Variants in HID1 observed in about 807,000 individuals in gnomAD.
HID1 encodes HID1 domain containing, also known as protein HID1.
Under a neutral mutation model 89.7 loss-of-function variants are expected in HID1, and 42 were observed. The ratio of observed to expected loss-of-function variants is 0.47; its 90% CI spans 0.37 to 0.61. HID1 has a LOEUF of 0.61. Among genes scored for constraint, HID1 ranks in the 20% least tolerant of loss-of-function variants. The pLI is 0.00. For missense variants in HID1, 854 were observed against 1,039.3 expected (o/e 0.82, Z 2.45); for synonymous variants, 442 against 433.8 (o/e 1.02, Z -0.24).
rs760919966 is a variant in HID1 at position 74,952,368 on chromosome 17, G to C, written c.2053-8C>G. ...CGACTTCCAGGAGAGGACCTGGCGA[G>C]GGACGGGGTTCCTGGGGCTGAGAAA... On this transcript the variant is annotated splice_polypyrimidine_tract_variant and splice_region_variant and intron_variant, in intron 16 of 18. Coordinates refer to ENST00000425042, the MANE Select transcript of HID1 (RefSeq NM_030630.3). 6.2e-7 allele frequency: 1 copy of C among 1,612,088 alleles called. No homozygotes were observed. The highest frequency in any genetic ancestry group is 1.1e-5 in the South Asian group (1 of 90,964).
At chr17:74,954,034 A>C in intron 14 of HID1, 104 bp downstream of exon 14, 1 of 1,127,852 alleles carries the variant, frequency 8.9e-7, no homozygotes, top group East Asian at 2.5e-5. Flanking sequence ...GCTTCCATAC[A>C]TAAGCCATGC....
rs7503218 is a variant in HID1, at chr17:74,962,905, G to A, written c.504+60C>T. On this transcript the variant is annotated intron_variant, in intron 4 of 18. Coordinates refer to ENST00000425042, the MANE Select transcript of HID1 (RefSeq NM_030630.3). This position sits in a 1 kb window ranked among gnomAD's most constrained non-coding sequence, Gnocchi z 4.3. ...CGCCCAAGGGAACTTCAACTGGCCC[G>A]GCCCCAACCCAGGACCAGAGCCTAC... is the stretch of plus-strand genomic sequence containing the variant. 44 of 1,294,570 alleles carry A rather than the reference G, an allele frequency of 3.4e-5. No homozygotes were observed. The highest frequency in any genetic ancestry group is 3.1e-4 in the African/African-American group (21 of 67,716). The allele number at this position is 1,294,570 out of a possible 1,614,324, so 80.2% of individuals were successfully genotyped here. A position where few individuals can be genotyped will look rare whatever the true frequency, so the allele number is the denominator to read the frequency against.
In HID1 at chr17:74,958,823, C is replaced by A; in HGVS notation, c.1150-60G>T. On this transcript the variant is annotated intron_variant, in intron 9 of 18. Transcript: ENST00000425042. This position sits in a 1 kb window ranked among gnomAD's most constrained non-coding sequence, Gnocchi z 5.2. ...TCAAGGGAGGGGCAGCTCTGCCCCACCCCCCTCAGTCTGACACTGTCCCTG... is the reference window on the plus strand; with the variant it reads ...TCAAGGGAGGGGCAGCTCTGCCCCAACCCCCTCAGTCTGACACTGTCCCTG... 6.3e-7 allele frequency: 1 copy of A among 1,590,336 alleles called. No individual in the cohort carries two copies. The highest frequency in any genetic ancestry group is 8.6e-7 in the Non-Finnish European group (1 of 1,164,976).
Position 74,951,265 on chromosome 17 carries a change from G to T in HID1, c.*305C>A. The T allele has an allele frequency of 2.2e-6, 1 of 458,276 alleles. No homozygotes were observed. Among genetic ancestry groups the T allele is most frequent in the Non-Finnish European group, 3.9e-6 (1 of 254,688 alleles). The allele number at this position is 458,276 out of a possible 1,614,324, so 28.4% of individuals were successfully genotyped here. A position where few individuals can be genotyped will look rare whatever the true frequency, so the allele number is the denominator to read the frequency against. On this transcript the variant is annotated 3_prime_UTR_variant, in exon 19 of 19. Coordinates refer to ENST00000425042, the MANE Select transcript of HID1 (RefSeq NM_030630.3). ...GGGCTGGGTAGCACAGGAGTGGGTG[G>T]GCACTGAGGGGCCAGCACTGAGCCA...
At chr17:74,953,206 G>T in intron 15 of HID1, 120 bp from the exon 16 acceptor site, 1 of 899,704 alleles carries the variant, frequency 1.1e-6, no homozygotes, top group Non-Finnish European at 1.7e-6. Flanking sequence ...GCCCAGCCCA[G>T]CAGCCTTTGC....
rs2039486879 is a variant in HID1, at chr17:74,961,893, G to C, written c.708C>G (p.Phe236Leu). ...ESGSTNPWVQ[F>L]FCSTENRHAL... ...TTCACCTGTTCTCCGTGGAACAAAAGAACTGAACCCATGGGTTGGTGCTGC... is the reference window on the plus strand; with the variant it reads ...TTCACCTGTTCTCCGTGGAACAAAACAACTGAACCCATGGGTTGGTGCTGC... The change falls in exon 6 of 19, where the codon TTC (phenylalanine) becomes TTG (leucine). Residue 236 changes from phenylalanine (F) to leucine (L), a missense_variant. By Grantham distance (22) the Phe-to-Leu change is conservative. Coordinates refer to ENST00000425042, the MANE Select transcript of HID1 (RefSeq NM_030630.3). 4 of 1,591,362 alleles carry C rather than the reference G, an allele frequency of 2.5e-6. No homozygotes were observed. The highest frequency in any genetic ancestry group is 3.4e-6 in the Non-Finnish European group (4 of 1,169,134).
At position 74,954,215 on chromosome 17, in the gene HID1, C is replaced by A; in HGVS notation, c.1787G>T (p.Gly596Val). ...GGGGCGGGAGCCCTCCATGGAGGTGCCCTCCTGGGAGCCGGTGCGAGACAA... is the reference window on the plus strand; with the variant it reads ...GGGGCGGGAGCCCTCCATGGAGGTGACCTCCTGGGAGCCGGTGCGAGACAA... ...EPLSRTGSQE[G>V]TSMEGSRPAA... Residue 596 changes from glycine (G) to valine (V), a missense_variant, in exon 14 of 19, where the codon GGC becomes GTC. Transcript: ENST00000425042. 6.3e-7 allele frequency: 1 copy of A among 1,598,256 alleles called. No homozygotes were observed.
rs748219167 is a variant in HID1, at chr17:74,960,265, A to ACAAGGCTGCAGAGGCTG, written c.729-34_729-18dup. Reference sequence around the variant, plus strand: ...AGGGCATGTCTGCAGCAGGAGAGGGACAAGGCTGCAGAGGCTGCACTGGGG... The same window carrying ACAAGGCTGCAGAGGCTG: ...AGGGCATGTCTGCAGCAGGAGAGGGACAAGGCTGCAGAGGCTGCAAGGCTGCAGAGGCTGCACTGGGG... On this transcript the variant is annotated splice_polypyrimidine_tract_variant and intron_variant, in intron 6 of 18. Coordinates refer to ENST00000425042, the MANE Select transcript of HID1 (RefSeq NM_030630.3). 6.3e-7 allele frequency: 1 copy of ACAAGGCTGCAGAGGCTG among 1,596,014 alleles called. No homozygotes were observed. Among genetic ancestry groups the ACAAGGCTGCAGAGGCTG allele is most frequent in the Non-Finnish European group, 8.5e-7 (1 of 1,173,818 alleles).
rs1277186589 is a variant in HID1 at position 74,958,025 on chromosome 17, G to A, written c.1471+116C>T. 2.4e-6 allele frequency: 2 copies of A among 847,576 alleles called. No individual in the cohort carries two copies. Among genetic ancestry groups the A allele is most frequent in the Admixed American group, 2.2e-5 (1 of 44,892 alleles). 52.5% of individuals were successfully genotyped at this position (847,576 alleles called of 1,614,324 possible). A position where few individuals can be genotyped will look rare whatever the true frequency, so the allele number is the denominator to read the frequency against. On this transcript the variant is annotated intron_variant, in intron 12 of 18. Coordinates refer to ENST00000425042, the MANE Select transcript of HID1 (RefSeq NM_030630.3). This position sits in a 1 kb window ranked among gnomAD's most constrained non-coding sequence, Gnocchi z 5.2. ...TGTGGCTACTATGAAGGGTACACAAGCTTGCGTTCTTTCTGTGGGCTGGAG... is the reference window on the plus strand; with the variant it reads ...TGTGGCTACTATGAAGGGTACACAAACTTGCGTTCTTTCTGTGGGCTGGAG...
rs1177852218 is a variant in HID1 at position 74,959,056 on chromosome 17, G to T, written c.1009-5C>A. 2 of 1,554,626 alleles carry T rather than the reference G, an allele frequency of 1.3e-6. No individual in the cohort carries two copies. The highest frequency in any genetic ancestry group is 4.2e-5 in the Admixed American group (2 of 47,150). On this transcript the variant is annotated splice_polypyrimidine_tract_variant and splice_region_variant and intron_variant, in intron 8 of 18. Coordinates refer to ENST00000425042, the MANE Select transcript of HID1 (RefSeq NM_030630.3). The surrounding 1 kb of genome is among the most constrained non-coding windows in gnomAD (Gnocchi z 4.6). ...CTTGAGGATGAACTGGAAGTCCTGG[G>T]GGCGAGGGCAGAGCAGGGGGCCTGT...
intron 15 of HID1, 39 bp from the exon 16 acceptor site, chr17:74,953,125 G>T: frequency 1.3e-6 from 2 of 1,509,178 alleles, no homozygotes; most frequent in Non-Finnish European, 9.0e-7. Flanking sequence ...GGATGGTGGC[G>T]GTGGGTGAGG....
rs373198449 is a variant in HID1 at position 74,963,050 on chromosome 17, G to A, written c.419C>T (p.Pro140Leu). The part of the protein sequence containing the change: ...QGEEDDEHAR[P>L]LAESLLLAIA... Reference sequence around the variant, plus strand: ...GGCCAGGAGCAGGGACTCGGCCAGGGGCCTGGCATGCTCATCATCCTCTTC... The same window carrying A: ...GGCCAGGAGCAGGGACTCGGCCAGGAGCCTGGCATGCTCATCATCCTCTTC... The change falls in exon 4 of 19, where the codon CCC (proline) becomes CTC (leucine). Residue 140 changes from proline (P) to leucine (L), a missense_variant. Transcript: ENST00000425042. 2 of 1,612,710 alleles carry A rather than the reference G, an allele frequency of 1.2e-6. No individual in the cohort carries two copies. The highest frequency in any genetic ancestry group is 1.7e-6 in the Non-Finnish European group (2 of 1,179,324).
rs963237391 is a variant in HID1, at chr17:74,958,011, T to C, written c.1471+130A>G. 2 of 705,450 alleles carry C rather than the reference T, an allele frequency of 2.8e-6. No individual in the cohort carries two copies. Among genetic ancestry groups the C allele is most frequent in the African/African-American group, 1.8e-5 (1 of 56,160 alleles). 43.7% of individuals were successfully genotyped at this position (705,450 alleles called of 1,614,324 possible). The stretch of plus-strand genomic sequence containing the variant: ...CCCTTTTTTTTTAATGTGGCTACTA[T>C]GAAGGGTACACAAGCTTGCGTTCTT... On this transcript the variant is annotated intron_variant, in intron 12 of 18. Coordinates refer to ENST00000425042, the MANE Select transcript of HID1 (RefSeq NM_030630.3). The surrounding 1 kb of genome is among the most constrained non-coding windows in gnomAD (Gnocchi z 5.2).
At chr17:74,954,078 C>G in intron 14 of HID1, 60 bp downstream of exon 14, 1 of 1,464,372 alleles carries the variant, frequency 6.8e-7, no homozygotes, top group Non-Finnish European at 9.4e-7. Flanking sequence ...ACCCCGAGAC[C>G]ATGTCCCTCC....
At chr17:74,957,280 C>G (rs2039403971) in intron 12 of HID1, among the ~76,000 whole-genome samples, 1 of 151,230 alleles carries the variant, frequency 6.6e-6, no homozygotes, top group South Asian at 2.1e-4. Context: ...TCAAGACCAG[C>G]CTGGCCAACA....
chr17:74,961,239 AT>A (rs1381117174), intron 6 of HID1, among the ~76,000 whole-genome samples: 6 of 152,136 alleles, frequency 3.9e-5, no homozygotes, highest in African/African-American at 1.4e-4. Context: ...ATATTGGGTT[AT>A]ATGAAATATA....
chr17:74,964,041 T>A, intron 2 of HID1, 131 bp from the exon 3 acceptor site: 1 of 933,942 alleles, frequency 1.1e-6, no homozygotes, highest in Non-Finnish European at 1.6e-6. Context: ...GGAGAGACAG[T>A]GGGGCCACAG....
intron 1 of HID1, among the ~76,000 whole-genome samples, chr17:74,966,283 C>CAAAAAAAA (rs34312915): frequency 1.4e-5 from 1 of 70,940 alleles, no homozygotes; most frequent in African/African-American, 5.3e-5. Flanking sequence ...GACTCTGTCT[C>CAAAAAAAA]AAAAAAAAAA....
intron 1 of HID1, among the ~76,000 whole-genome samples, chr17:74,969,404 T>TCTCGATCTCCTGAC (rs2039611596): frequency 1.3e-5 from 2 of 152,116 alleles, no homozygotes; most frequent in South Asian, 4.1e-4. Context: ...GCCGGGACGG[T>TCTCGATCTCCTGAC]CTCGATCTCC....
Sources: gnomAD v4.1 joint callset for allele counts (sites outside exome capture counted in the v4.1 genomes callset) on GRCh38, gnomAD v4.1.1 for gene constraint, Gnocchi (gnomAD v3.1) non-coding constraint, MANE v1.5 for transcripts, NCBI Gene and HGNC (gene_info 2026-07-23, HGNC 2026-07-21) for gene names.